The following LAT variants were observed in gnomAD, a reference collection of about 807,000 sequenced individuals.
The protein encoded by LAT is linker for activation of T-cells family member 1.
In LAT, 12 loss-of-function variants were observed where a neutral mutation model predicts 39.1. The observed-to-expected ratio is 0.31, with a 90% confidence interval of 0.20 to 0.50. The LOEUF (loss-of-function observed/expected upper bound fraction) is 0.50. Ranked by LOEUF, LAT falls within the 20% of genes least tolerant of loss-of-function variation. The pLI is 0.98. For missense variants in LAT, 253 were observed against 308.0 expected (o/e 0.82, Z 1.34); for synonymous variants, 117 against 123.8 (o/e 0.95, Z 0.36).
Position 28,986,927 on chromosome 16 carries a change from T to C in LAT, c.493+34T>C. Reference sequence around the variant, plus strand: ...GGCATTTGTTTTTATTTTTAAATTTTTTTAGGGATAGGCTGGAGTGCAGTG... The same window carrying C: ...GGCATTTGTTTTTATTTTTAAATTTCTTTAGGGATAGGCTGGAGTGCAGTG... On this transcript the variant is annotated intron_variant, in intron 8 of 11. Transcript: ENST00000395456. This position sits in a 1 kb window ranked among gnomAD's most constrained non-coding sequence, Gnocchi z 5.7. 6.3e-7 allele frequency: 1 copy of C among 1,584,408 alleles called. No homozygotes were observed.
Position 28,985,433 on chromosome 16 carries a change from C to A in LAT, c.16C>A (p.Leu6Met). 3 of 1,613,780 alleles carry A rather than the reference C, an allele frequency of 1.9e-6. No individual in the cohort carries two copies. The highest frequency in any genetic ancestry group is 2.5e-6 in the Non-Finnish European group (3 of 1,179,948). The change falls in exon 1 of 12, where the codon CTG (leucine) becomes ATG (methionine). Residue 6 changes from leucine (L) to methionine (M), a missense_variant. Coordinates refer to ENST00000395456, the MANE Select transcript of LAT (RefSeq NM_001014987.2). The surrounding 1 kb of genome is among the most constrained non-coding windows in gnomAD (Gnocchi z 4.6). ...TCCCCTGCAGATGGAGGAGGCCATCCTGGTCCCCTGCGTGCTGGGGCTCCT... is the reference window on the plus strand; with the variant it reads ...TCCCCTGCAGATGGAGGAGGCCATCATGGTCCCCTGCGTGCTGGGGCTCCT... The part of the protein sequence containing the change: MEEAI[L>M]VPCVLGLLLL...
chr16:28,989,684 C>T, intron 9 of LAT, 90 bp from the exon 10 acceptor site: 1 of 1,581,404 alleles, frequency 6.3e-7, no homozygotes. Context: ...CTACCCACAC[C>T]CTCTGCCCCC....
upstream of LAT, chr16:28,984,835 T>C: frequency 6.5e-7 from 1 of 1,550,022 alleles, no homozygotes; most frequent in Non-Finnish European, 8.7e-7. Flanking sequence ...AGGGCCTCCC[T>C]GCTCGCTGCC....
At position 28,985,998 on chromosome 16, in the gene LAT, G is replaced by A. The variant is rs1219248419; in HGVS notation, c.163+110G>A. 1.4e-6 allele frequency: 2 copies of A among 1,444,880 alleles called. No individual in the cohort carries two copies. Among genetic ancestry groups the A allele is most frequent in the Non-Finnish European group, 1.9e-6 (2 of 1,027,296 alleles). 89.5% of individuals were successfully genotyped at this position (1,444,880 alleles called of 1,614,324 possible). A position where few individuals can be genotyped will look rare whatever the true frequency, so the allele number is the denominator to read the frequency against. ...CTGCCACCTTGGGGCTGCCCACATG[G>A]CCTTGACCTGAGCTGGGAGAGGGGA... On this transcript the variant is annotated intron_variant, in intron 3 of 11. Transcript: ENST00000395456. This position sits in a 1 kb window ranked among gnomAD's most constrained non-coding sequence, Gnocchi z 4.6.
At position 28,985,933 on chromosome 16, in the gene LAT, T is replaced by A; in HGVS notation, c.163+45T>A. 6.3e-7 allele frequency: 1 copy of A among 1,599,400 alleles called. No individual in the cohort carries two copies. Among genetic ancestry groups the A allele is most frequent in the Admixed American group, 1.7e-5 (1 of 59,958 alleles). Reference sequence around the variant, plus strand: ...CCTACCTTGGGTGCCAGGGAGAGGGTCCCCTGGTGTGGGAGTGAGCGTGAA... The same window carrying A: ...CCTACCTTGGGTGCCAGGGAGAGGGACCCCTGGTGTGGGAGTGAGCGTGAA... On this transcript the variant is annotated intron_variant, in intron 3 of 11. Transcript: ENST00000395456. This position sits in a 1 kb window ranked among gnomAD's most constrained non-coding sequence, Gnocchi z 4.6.
chr16:28,986,568 G>C lies in LAT; in HGVS notation c.339G>C (p.Glu113Asp). 1.9e-6 allele frequency: 3 copies of C among 1,613,222 alleles called. No individual in the cohort carries two copies. Among genetic ancestry groups the C allele is most frequent in the Non-Finnish European group, 2.5e-6 (3 of 1,179,394 alleles). Residue 113 changes from glutamate (E) to aspartate (D), a missense_variant and splice_region_variant, in exon 6 of 12, where the codon GAG (glutamate) becomes GAC (aspartate). Transcript: ENST00000395456. This position sits in a 1 kb window ranked among gnomAD's most constrained non-coding sequence, Gnocchi z 5.7. The part of the protein sequence containing the change: ...GANSVASYEN[E>D]EPACEDADED... The stretch of plus-strand genomic sequence containing the variant: ...ACAGTGTGGCGAGCTACGAGAACGA[G>C]GGTGCGTCTGGGATCCGAGGTGCCC...
chr16:28,989,889 G>A lies in LAT; in HGVS notation c.623-44G>A, dbSNP rs200183698. 3.7e-6 allele frequency: 6 copies of A among 1,613,726 alleles called. No individual in the cohort carries two copies. The East Asian group carries it at 1.3e-4, about 36-fold the overall frequency. On this transcript the variant is annotated intron_variant, in intron 10 of 11. Coordinates refer to ENST00000395456, the MANE Select transcript of LAT (RefSeq NM_001014987.2). ...GCTGGGGTAGCTGCTTTGGGCTTGG[G>A]GGGATAGCTTGCAAGCTGGAGACCA...
At chr16:28,984,912 G>A (rs775720799), upstream of LAT, 3 of 1,546,982 alleles carry the variant, frequency 1.9e-6, no homozygotes, top group Admixed American at 2.0e-5. Context: ...TCTTGGGGGG[G>A]GCCAGCAGAC....
chr16:28,988,231 T>G (rs1401035578), intron 8 of LAT: 1 of 152,326 alleles, frequency 6.6e-6, no homozygotes, highest in Non-Finnish European at 1.5e-5. Context: ...TGTGCTCCAG[T>G]TGTCCCTTTT....
rs548318274 is a variant in LAT at position 28,990,143 on chromosome 16, C to T, written c.*8-46C>T. On this transcript the variant is annotated intron_variant, in intron 11 of 11. Coordinates refer to ENST00000395456, the MANE Select transcript of LAT (RefSeq NM_001014987.2). ...CTGTCTCTGGGTACCTGCTGAACCCCGTCAGCCTCCTGATCCGTATCCCTC... is the reference window on the plus strand; with the variant it reads ...CTGTCTCTGGGTACCTGCTGAACCCTGTCAGCCTCCTGATCCGTATCCCTC... 1.2e-4 allele frequency: 94 copies of T among 769,490 alleles called. No individual in the cohort carries two copies. The East Asian group carries it at 2.2e-3, about 18-fold the overall frequency. 47.7% of individuals were successfully genotyped at this position (769,490 alleles called of 1,614,324 possible).
rs1965711029 is a variant in LAT at position 28,985,079 on chromosome 16, G to A, written c.-339G>A. The A allele has an allele frequency of 7.0e-7, 1 of 1,427,492 alleles. No individual in the cohort carries two copies. Among genetic ancestry groups the A allele is most frequent in the Non-Finnish European group, 9.1e-7 (1 of 1,095,630 alleles). The allele number at this position is 1,427,492 out of a possible 1,614,324, so 88.4% of individuals were successfully genotyped here. A position where few individuals can be genotyped will look rare whatever the true frequency, so the allele number is the denominator to read the frequency against. The stretch of plus-strand genomic sequence containing the variant: ...AGCTTCCTGCCGCAGGCGGGCGGGA[G>A]GGCGGGCACGGAGAGGCGGGCGCCG... On this transcript the variant is annotated 5_prime_UTR_variant, in exon 1 of 12. Coordinates refer to ENST00000395456, the MANE Select transcript of LAT (RefSeq NM_001014987.2). This position sits in a 1 kb window ranked among gnomAD's most constrained non-coding sequence, Gnocchi z 4.6.
rs1965846947 is a variant in LAT, at chr16:28,990,549, T to A, written c.*368T>A. 1 of 258,550 alleles carries A rather than the reference T, an allele frequency of 3.9e-6. No individual in the cohort carries two copies. Among genetic ancestry groups the A allele is most frequent in the South Asian group, 3.7e-5 (1 of 27,014 alleles). The allele number at this position is 258,550 out of a possible 1,614,324, so 16.0% of individuals were successfully genotyped here. A position where few individuals can be genotyped will look rare whatever the true frequency, so the allele number is the denominator to read the frequency against. ...TGTATCTGTGGGTCTCCATCCTCCA[T>A]GGGGGCTCAGCCAGGTGCTGTGACA... On this transcript the variant is annotated 3_prime_UTR_variant, in exon 12 of 12. Transcript: ENST00000395456.
In LAT at chr16:28,985,624, G is replaced by A. The variant is rs535296748; in HGVS notation, c.101-89G>A. ...CTGGCTCTGTCCCTGCCTCCGTCCTGATCCCAGCGCCTCTGAGAGTCCCTG... is the reference window on the plus strand; with the variant it reads ...CTGGCTCTGTCCCTGCCTCCGTCCTAATCCCAGCGCCTCTGAGAGTCCCTG... On this transcript the variant is annotated intron_variant, in intron 1 of 11. Transcript: ENST00000395456. This position sits in a 1 kb window ranked among gnomAD's most constrained non-coding sequence, Gnocchi z 4.6. 4,406 of 1,607,168 alleles carry A rather than the reference G, an allele frequency of 2.7e-3. 12 individuals carry two copies. The highest frequency in any genetic ancestry group is 3.6e-3 in the Non-Finnish European group (4,183 of 1,174,430).
At chr16:28,984,839 C>T (rs1166366284), upstream of LAT, 15 of 1,549,900 alleles carry the variant, frequency 9.7e-6, no homozygotes, top group East Asian at 9.8e-5. Context: ...CCTCCCTGCT[C>T]GCTGCCTCCC....
chr16:28,988,537 C>A (rs1452031734), intron 8 of LAT: 2 of 152,174 alleles, frequency 1.3e-5, no homozygotes, highest in African/African-American at 4.8e-5. Context: ...ATGGCGAAAC[C>A]CAGTCTCTAC....
At chr16:28,987,899 C>T (rs1035333322) in intron 8 of LAT, 5 of 151,274 alleles carry the variant, frequency 3.3e-5, no homozygotes, top group Non-Finnish European at 1.5e-5. Context: ...CAAGACCAGC[C>T]TGAGCAACAT....
Position 28,985,324 on chromosome 16 carries a change from G to C in LAT, c.-94G>C, listed in dbSNP as rs1371630360. 12 of 1,559,162 alleles carry C rather than the reference G, an allele frequency of 7.7e-6. No individual in the cohort carries two copies. The highest frequency in any genetic ancestry group is 1.0e-5 in the Non-Finnish European group (12 of 1,150,950). On this transcript the variant is annotated 5_prime_UTR_variant, in exon 1 of 12. Transcript: ENST00000395456. This position sits in a 1 kb window ranked among gnomAD's most constrained non-coding sequence, Gnocchi z 4.6. The stretch of plus-strand genomic sequence containing the variant: ...GGTGCCTACCTGCCCCCTGCTCCCT[G>C]CCGGGTCCGGTCCTCACCCCATCTT...
chr16:28,985,613 G>T lies in LAT; in HGVS notation c.100+96G>T, dbSNP rs1246175672. The stretch of plus-strand genomic sequence containing the variant: ...CTGTGTCTGTCCTGGCTCTGTCCCT[G>T]CCTCCGTCCTGATCCCAGCGCCTCT... On this transcript the variant is annotated intron_variant, in intron 1 of 11. Coordinates refer to ENST00000395456, the MANE Select transcript of LAT (RefSeq NM_001014987.2). The surrounding 1 kb of genome is among the most constrained non-coding windows in gnomAD (Gnocchi z 4.6). 17 of 1,604,552 alleles carry T rather than the reference G, an allele frequency of 1.1e-5. No homozygotes were observed. The highest frequency in any genetic ancestry group is 1.7e-5 in the Admixed American group (1 of 59,928).
Position 28,986,355 on chromosome 16 carries a change from G to A in LAT, c.246-27G>A. ...TGTTGCCCCCTGAGCCCCACCTCAG[G>A]CATGACCCCTGACCTTTGACTCCCA... On this transcript the variant is annotated intron_variant, in intron 4 of 11. Transcript: ENST00000395456. This position sits in a 1 kb window ranked among gnomAD's most constrained non-coding sequence, Gnocchi z 5.7. 2 of 1,613,088 alleles carry A rather than the reference G, an allele frequency of 1.2e-6. No homozygotes were observed. The highest frequency in any genetic ancestry group is 1.1e-5 in the South Asian group (1 of 91,042).
Sources: gnomAD v4.1 joint callset for allele counts on GRCh38, gnomAD v4.1.1 for gene constraint, Gnocchi (gnomAD v3.1) non-coding constraint, MANE v1.5 for transcripts, NCBI Gene and HGNC (gene_info 2026-07-23, HGNC 2026-07-21) for gene names.